Variants in FNDC3A observed in about 807,000 individuals in gnomAD.
The protein encoded by FNDC3A is fibronectin type-III domain-containing protein 3A.
Under a neutral mutation model 148.9 loss-of-function variants are expected in FNDC3A, and 32 were observed. The ratio of observed to expected loss-of-function variants is 0.21; its 90% CI spans 0.16 to 0.29. The LOEUF (loss-of-function observed/expected upper bound fraction) is 0.29. Ranked by LOEUF, FNDC3A falls within the 10% of genes least tolerant of loss-of-function variation. The pLI is 1.00. For missense variants in FNDC3A, 1,191 were observed against 1,452.8 expected (o/e 0.82, Z 2.93); for synonymous variants, 472 against 473.6 (o/e 1.00, Z 0.04).
rs763267853 is a variant in FNDC3A at position 49,201,809 on chromosome 13, C to T, written c.2997C>T (p.Ser999=). 3 of 1,496,132 alleles carry T rather than the reference C, an allele frequency of 2.0e-6. No individual in the cohort carries two copies. Among genetic ancestry groups the T allele is most frequent in the Non-Finnish European group, 2.7e-6 (3 of 1,112,648 alleles). The allele number at this position is 1,496,132 out of a possible 1,614,324, so 92.7% of individuals were successfully genotyped here. The change falls in exon 24 of 26, where the codon TCC becomes TCT. Residue 999 remains serine (S), a synonymous_variant. Coordinates refer to ENST00000492622, the MANE Select transcript of FNDC3A (RefSeq NM_001079673.2). ...GTTATTTCCATTTTAGGTTTGTATC[C>T]CTATACAGAGGACCATGTCATACAT... The part of the protein sequence containing the change: ...QMEDKNGRFV[S]LYRGPCHTYK...
chr13:49,207,078 C>A lies in FNDC3A; in HGVS notation c.3283-3C>A. 1 of 1,601,038 alleles carries A rather than the reference C, an allele frequency of 6.2e-7. No homozygotes were observed. The highest frequency in any genetic ancestry group is 8.5e-7 in the Non-Finnish European group (1 of 1,169,768). On this transcript the variant is annotated splice_polypyrimidine_tract_variant and splice_region_variant and intron_variant, in intron 25 of 25. Transcript: ENST00000492622. Reference sequence around the variant, plus strand: ...ATTCTTCCTTCTAATATTTTATTAACAGATTTACAAGGGTCCCGACTCTTC... The same window carrying A: ...ATTCTTCCTTCTAATATTTTATTAAAAGATTTACAAGGGTCCCGACTCTTC...
At chr13:49,184,296 C>T (rs1054987724) in intron 14 of FNDC3A, among the ~76,000 whole-genome samples, 7 of 152,130 alleles carry the variant, frequency 4.6e-5, no homozygotes, top group Non-Finnish European at 1.0e-4. Flanking sequence ...CTGAGCTAAG[C>T]AGTGATAAAA....
intron 9 of FNDC3A, among the ~76,000 whole-genome samples, chr13:49,167,554 A>C (rs1263974868): frequency 1.3e-5 from 2 of 152,148 alleles, no homozygotes; most frequent in Non-Finnish European, 2.9e-5. Flanking sequence ...AGAAATCCAA[A>C]AAGTAGCCAA....
chr13:49,029,556 A>C (rs1427868764), intron 2 of FNDC3A, among the ~76,000 whole-genome samples: 2 of 152,220 alleles, frequency 1.3e-5, no homozygotes. Flanking sequence ...AGAAGAAAAC[A>C]GTAAAGCTTA....
chr13:49,189,383 A>G (rs1308184111), intron 17 of FNDC3A, among the ~76,000 whole-genome samples: 4 of 151,996 alleles, frequency 2.6e-5, no homozygotes, highest in East Asian at 1.9e-4. Flanking sequence ...GGGTTTTACC[A>G]TGTTGGCCAG....
chr13:49,160,744 C>T (rs1884050040), intron 8 of FNDC3A, among the ~76,000 whole-genome samples: 1 of 151,694 alleles, frequency 6.6e-6, no homozygotes, highest in South Asian at 2.1e-4. Context: ...CCTGCTTTCT[C>T]TTGTGGGCAT....
At chr13:49,151,182 G>T (rs577767393) in intron 8 of FNDC3A, among the ~76,000 whole-genome samples, 1 of 152,242 alleles carries the variant, frequency 6.6e-6, no homozygotes, top group Non-Finnish European at 1.5e-5. Flanking sequence ...AGAGTGGGGG[G>T]TTGAAGTCCC....
In FNDC3A at chr13:49,043,168, G is replaced by GT. The variant is rs113395216; in HGVS notation, c.100-32119dup. Among the ~76,000 whole-genome samples the GT allele has an allele frequency of 6.5e-3, 977 of 149,966 alleles. 15 individuals are homozygous for GT. Among genetic ancestry groups the GT allele is most frequent in the African/African-American group, 0.023 (927 of 40,674 alleles). On this transcript the variant is annotated intron_variant, in intron 2 of 25. Transcript: ENST00000492622. ...TTTTGTAGAGACAGGGTCTTACTGTGTTGCTTAGGCTGGTCTTGAACTCCT... is the reference window on the plus strand; with the variant it reads ...TTTTGTAGAGACAGGGTCTTACTGTGTTTGCTTAGGCTGGTCTTGAACTCCT...
intron 2 of FNDC3A, among the ~76,000 whole-genome samples, chr13:49,074,340 GT>G (rs1217430869): frequency 6.6e-6 from 1 of 152,122 alleles, no homozygotes; most frequent in Non-Finnish European, 1.5e-5. Flanking sequence ...AAATAGTGAT[GT>G]TTGGTTTTCC....
intron 4 of FNDC3A, among the ~76,000 whole-genome samples, chr13:49,116,081 G>A (rs2137882111): frequency 6.6e-6 from 1 of 152,300 alleles, no homozygotes; most frequent in Middle Eastern, 3.4e-3. Context: ...GTGATAAAAA[G>A]ATGATTAAGA....
intron 1 of FNDC3A, among the ~76,000 whole-genome samples, chr13:49,000,607 A>C (rs2137586081): frequency 6.6e-6 from 1 of 152,354 alleles, no homozygotes; most frequent in East Asian, 1.9e-4. Context: ...TTTTCCTGCA[A>C]AATAAGCTAT....
chr13:49,016,432 G>T (rs537407772), intron 2 of FNDC3A, among the ~76,000 whole-genome samples: 1 of 152,278 alleles, frequency 6.6e-6, no homozygotes, highest in African/African-American at 2.4e-5. Flanking sequence ...TTGTATTTCT[G>T]TGGGATCTGG....
chr13:49,017,725 T>G (rs1485203643), intron 2 of FNDC3A, among the ~76,000 whole-genome samples: 3 of 152,194 alleles, frequency 2.0e-5, no homozygotes, highest in Admixed American at 6.5e-5. Context: ...GGCATGATTT[T>G]GCAGCAGCTG....
chr13:49,122,221 A>G (rs903155488), intron 4 of FNDC3A, among the ~76,000 whole-genome samples: 2 of 152,216 alleles, frequency 1.3e-5, no homozygotes, highest in African/African-American at 4.8e-5. Flanking sequence ...AACGTAATCT[A>G]TCACATAAAC....
intron 14 of FNDC3A, among the ~76,000 whole-genome samples, chr13:49,185,530 G>A (rs548527233): frequency 6.6e-6 from 1 of 152,228 alleles, no homozygotes; most frequent in African/African-American, 2.4e-5. Flanking sequence ...GTTAGAGTGA[G>A]TCATTAAGTA....
chr13:49,104,647 ATCT>A (rs766857717), intron 3 of FNDC3A, among the ~76,000 whole-genome samples: 7 of 152,220 alleles, frequency 4.6e-5, no homozygotes, highest in Admixed American at 2.0e-4. Flanking sequence ...TTAAAAAAAG[ATCT>A]TCTGTAAGAA....
chr13:49,064,266 G>A (rs1484993620), intron 2 of FNDC3A, among the ~76,000 whole-genome samples: 4 of 152,066 alleles, frequency 2.6e-5, no homozygotes, highest in African/African-American at 9.7e-5. Context: ...GCTTGAACCT[G>A]GGAGGTGGAG....
chr13:49,109,663 T>C (rs1267790484), intron 3 of FNDC3A, among the ~76,000 whole-genome samples: 1 of 152,186 alleles, frequency 6.6e-6, no homozygotes, highest in Non-Finnish European at 1.5e-5. Flanking sequence ...TCTTTTCAGA[T>C]TCGTGGATAT....
chr13:49,065,257 CTT>C (rs1877187427), intron 2 of FNDC3A, among the ~76,000 whole-genome samples: 1 of 152,022 alleles, frequency 6.6e-6, no homozygotes, highest in African/African-American at 2.4e-5. Context: ...GTATCTGGAC[CTT>C]TTTTACATGG....
Sources: allele counts gnomAD v4.1 joint callset (sites outside exome capture counted in the v4.1 genomes callset), GRCh38; gene constraint gnomAD v4.1.1; transcripts MANE v1.5; gene names NCBI Gene and HGNC (gene_info 2026-07-23, HGNC 2026-07-21).